Variants in GRIA2 observed in about 807,000 individuals in gnomAD.
GRIA2 encodes glutamate ionotropic receptor AMPA type subunit 2.
A neutral mutation model predicts 97.3 loss-of-function variants in GRIA2; 14 were observed. The ratio of observed to expected loss-of-function variants is 0.14; its 90% CI spans 0.10 to 0.23. The LOEUF is 0.23. Ranked by LOEUF, GRIA2 falls within the 10% of genes least tolerant of loss-of-function variation. GRIA2 has a pLI of 1.00. For synonymous variants in GRIA2, 412 were observed against 387.8 expected, an observed-to-expected ratio of 1.06 and a Z score of -0.73; for missense variants, 558 against 1,069.8, an observed-to-expected ratio of 0.52 and a Z score of 6.67.
At chr4:157,346,723 T>G (rs1735781227) in intron 12 of GRIA2, among the ~76,000 whole-genome samples, 1 of 152,134 alleles carries the variant, frequency 6.6e-6, no homozygotes, top group Non-Finnish European at 1.5e-5. Flanking sequence ...TGCAAGTCAC[T>G]CATGCATGGT....
chr4:157,358,773 T>C (rs1373837079), intron 12 of GRIA2, among the ~76,000 whole-genome samples: 2 of 152,166 alleles, frequency 1.3e-5, no homozygotes, highest in African/African-American at 4.8e-5. Flanking sequence ...TTCACCAAAA[T>C]AGAGTGCTTT....
At chr4:157,239,489 T>C (rs1362237482) in intron 2 of GRIA2, among the ~76,000 whole-genome samples, 1 of 152,146 alleles carries the variant, frequency 6.6e-6, no homozygotes, top group Non-Finnish European at 1.5e-5. Context: ...GTTAATTCTA[T>C]ATTAATAACA....
At position 157,298,696 on chromosome 4, in the gene GRIA2, G is replaced by T. The variant is rs551750036; in HGVS notation, c.230-4856G>T. 1.1e-4 allele frequency among the ~76,000 whole-genome samples: 15 copies of T among 141,058 alleles called. No individual in the cohort carries two copies. In the South Asian group the frequency reaches 3.0e-3, roughly 28 times the overall value. The allele number at this position is 141,058 out of a possible 152,430, so 92.5% of individuals were successfully genotyped here. On this transcript the variant is annotated intron_variant, in intron 2 of 15. Coordinates refer to ENST00000264426, the MANE Select transcript of GRIA2 (RefSeq NM_001083619.3). Reference sequence around the variant, plus strand: ...TATTTTATCAAAAATGACTCAGTGTGGAACACCAAAACATAGTAGATAAAA... The same window carrying T: ...TATTTTATCAAAAATGACTCAGTGTTGAACACCAAAACATAGTAGATAAAA...
chr4:157,281,482 GTA>G (rs1332324934), intron 2 of GRIA2, among the ~76,000 whole-genome samples: 3 of 151,930 alleles, frequency 2.0e-5, no homozygotes, highest in African/African-American at 4.8e-5. Context: ...TAAAACTTTT[GTA>G]GACTTTTTAA....
intron 2 of GRIA2, among the ~76,000 whole-genome samples, chr4:157,302,024 T>A (rs1250849519): frequency 6.6e-6 from 1 of 151,768 alleles, no homozygotes; most frequent in Non-Finnish European, 1.5e-5. Context: ...AATATGAAAG[T>A]TATCTGGGCA....
rs190803862 is a variant in GRIA2 at position 157,297,980 on chromosome 4, A to G, written c.230-5572A>G. ...TAGGGTGATGATGAAAGTTTGGAAA[A>G]TATTTGCATAAGGAGTTGAATTTGA... On this transcript the variant is annotated intron_variant, in intron 2 of 15. Transcript: ENST00000264426. 2.9e-3 allele frequency among the ~76,000 whole-genome samples: 437 copies of G among 152,212 alleles called. 4 individuals carry two copies. Among genetic ancestry groups the G allele is most frequent in the African/African-American group, 0.01 (418 of 41,570 alleles).
chr4:157,272,759 G>T (rs1244944036), intron 2 of GRIA2, among the ~76,000 whole-genome samples: 1 of 152,046 alleles, frequency 6.6e-6, no homozygotes, highest in Non-Finnish European at 1.5e-5. Flanking sequence ...GTTTCTCAGA[G>T]CCCAGCTGAC....
At chr4:157,264,514 C>A (rs1731681578) in intron 2 of GRIA2, among the ~76,000 whole-genome samples, 1 of 152,032 alleles carries the variant, frequency 6.6e-6, no homozygotes, top group Admixed American at 6.6e-5. Context: ...ATCTGATTAA[C>A]CCAGGATAAT....
At chr4:157,247,193 G>C (rs1290873787) in intron 2 of GRIA2, among the ~76,000 whole-genome samples, 2 of 152,118 alleles carry the variant, frequency 1.3e-5, no homozygotes, top group African/African-American at 4.8e-5. Context: ...CCTTGTGCCA[G>C]CCTCTGTTAG....
intron 3 of GRIA2, among the ~76,000 whole-genome samples, chr4:157,306,341 C>T (rs1255045943): frequency 6.6e-6 from 1 of 152,050 alleles, no homozygotes; most frequent in Non-Finnish European, 1.5e-5. Context: ...GATGGATGGA[C>T]TTACGTACTT....
chr4:157,226,024 G>C (rs957163453), intron 2 of GRIA2, among the ~76,000 whole-genome samples: 5 of 151,828 alleles, frequency 3.3e-5, no homozygotes, highest in African/African-American at 9.7e-5. Context: ...TGATTCTACA[G>C]GGTTTGAAAA....
Position 157,221,149 on chromosome 4 carries a change from A to G in GRIA2, c.88+19A>G. The G allele has an allele frequency of 4.3e-6, 5 of 1,169,256 alleles. No individual in the cohort carries two copies. The highest frequency in any genetic ancestry group is 6.5e-6 in the Non-Finnish European group (5 of 774,684). The allele number at this position is 1,169,256 out of a possible 1,614,324, so 72.4% of individuals were successfully genotyped here. A position where few individuals can be genotyped will look rare whatever the true frequency, so the allele number is the denominator to read the frequency against. ...CAGATAGGTAGGTACCCTTTGTGCT[A>G]TGCTTTTGAATTGTGCATAATTTGG... is the stretch of plus-strand genomic sequence containing the variant. On this transcript the variant is annotated intron_variant, in intron 1 of 15. Transcript: ENST00000264426.
At chr4:157,260,078 T>C (rs1349826714) in intron 2 of GRIA2, among the ~76,000 whole-genome samples, 1 of 152,136 alleles carries the variant, frequency 6.6e-6, no homozygotes, top group African/African-American at 2.4e-5. Context: ...TGATTTGTTC[T>C]ACACATTTTA....
chr4:157,311,984 C>T (rs1041620369), intron 3 of GRIA2, among the ~76,000 whole-genome samples: 1 of 151,788 alleles, frequency 6.6e-6, no homozygotes, highest in African/African-American at 2.4e-5. Context: ...AAGTTACTAA[C>T]AGGAAAATAG....
intron 6 of GRIA2, among the ~76,000 whole-genome samples, chr4:157,324,902 A>G (rs1734738301): frequency 6.6e-6 from 1 of 152,170 alleles, no homozygotes. Context: ...AATATTTCTA[A>G]TGAGATTATT....
At chr4:157,341,577 A>G in intron 12 of GRIA2, 115 bp downstream of exon 12, 2 of 696,826 alleles carry the variant, frequency 2.9e-6, no homozygotes, top group Non-Finnish European at 2.5e-6. Context: ...CCCTAATTCT[A>G]TTTCTTTTCT....
At chr4:157,252,613 T>C (rs1180447811) in intron 2 of GRIA2, among the ~76,000 whole-genome samples, 1 of 152,082 alleles carries the variant, frequency 6.6e-6, no homozygotes, top group Non-Finnish European at 1.5e-5. Flanking sequence ...AACATTTGGG[T>C]CATCTACCTA....
Position 157,358,952 on chromosome 4 carries a change from A to T in GRIA2, c.2044-944A>T, listed in dbSNP as rs80093757. Among the ~76,000 whole-genome samples the T allele has an allele frequency of 3.9e-4, 60 of 152,294 alleles. No individual in the cohort carries two copies. The East Asian group carries it at 9.7e-3, about 25-fold the overall frequency. Reference sequence around the variant, plus strand: ...GTTTTAAAAGTAAGTCTTCGATTTCAATTTTTCATTTCAAACTTACTAAAT... The same window carrying T: ...GTTTTAAAAGTAAGTCTTCGATTTCTATTTTTCATTTCAAACTTACTAAAT... On this transcript the variant is annotated intron_variant, in intron 12 of 15. Transcript: ENST00000264426.
intron 2 of GRIA2, among the ~76,000 whole-genome samples, chr4:157,261,059 C>G (rs959100712): frequency 1.6e-4 from 24 of 152,134 alleles, no homozygotes; most frequent in African/African-American, 5.8e-4. Context: ...TCATGCTGCT[C>G]TAAAGGCATG....
Sources: allele counts gnomAD v4.1 joint callset (sites outside exome capture counted in the v4.1 genomes callset), GRCh38; gene constraint gnomAD v4.1.1; transcripts MANE v1.5; gene names NCBI Gene and HGNC (gene_info 2026-07-23, HGNC 2026-07-21).